The following TJP2 variants were observed in gnomAD, a reference collection of about 807,000 sequenced individuals.
The protein encoded by TJP2 is tight junction protein 2.
Under a neutral mutation model 133.1 loss-of-function variants are expected in TJP2, and 91 were observed. The observed-to-expected ratio is 0.68, with a 90% CI of 0.58 to 0.81. The LOEUF is 0.81. Among genes scored for constraint, TJP2 ranks in the 40% least tolerant of loss-of-function variants. The pLI, the probability that TJP2 is intolerant of heterozygous loss-of-function variation, is 0.00. For missense variants in TJP2, 1,541 were observed against 1,565.6 expected, an observed-to-expected ratio of 0.98 and a Z score of 0.26; for synonymous variants, 592 against 583.4, an observed-to-expected ratio of 1.01 and a Z score of -0.21.
chr9:69,139,138 A>G (rs1438609615), intron 1 of TJP2, among the ~76,000 whole-genome samples: 4 of 151,086 alleles, frequency 2.6e-5, no homozygotes, highest in Admixed American at 2.6e-4. Context: ...AATCGCTTGA[A>G]CCCTGGAGGC....
chr9:69,245,696 AAGATG>A (rs1181551323), intron 17 of TJP2, among the ~76,000 whole-genome samples: 3 of 152,188 alleles, frequency 2.0e-5, no homozygotes, highest in African/African-American at 7.2e-5. Flanking sequence ...TCTCATCTAT[AAGATG>A]GGCATCATAG....
At chr9:69,207,904 A>G (rs1588057342) in intron 1 of TJP2, among the ~76,000 whole-genome samples, 2 of 152,204 alleles carry the variant, frequency 1.3e-5, no homozygotes, top group African/African-American at 4.8e-5. Context: ...TTTCTGAAAA[A>G]TTATATAAAT....
At chr9:69,234,070 T>C (rs75436753) in intron 11 of TJP2, among the ~76,000 whole-genome samples, 2,185 of 152,288 alleles carry the variant, frequency 0.014, 39 homozygotes, top group African/African-American at 0.05. Flanking sequence ...TTCATACTTG[T>C]GTATTACCTT....
At chr9:69,226,254 A>G in intron 7 of TJP2, 79 bp downstream of exon 7, 3 of 1,513,156 alleles carry the variant, frequency 2.0e-6, no homozygotes, top group Non-Finnish European at 1.8e-6. Flanking sequence ...TAGTGTAGCT[A>G]TCCAGCTGGA....
chr9:69,199,811 C>T (rs988320213), intron 1 of TJP2, among the ~76,000 whole-genome samples: 4 of 152,062 alleles, frequency 2.6e-5, no homozygotes, highest in East Asian at 3.9e-4. Context: ...TTCATGGAGA[C>T]GAGGGTCTGG....
intron 1 of TJP2, among the ~76,000 whole-genome samples, chr9:69,145,391 A>G (rs898842023): frequency 9.9e-5 from 15 of 152,210 alleles, no homozygotes; most frequent in Admixed American, 2.6e-4. Flanking sequence ...GGCCTCAAAG[A>G]TTTATGTGCG....
intron 20 of TJP2, among the ~76,000 whole-genome samples, chr9:69,250,495 G>A (rs1831253776): frequency 6.6e-6 from 1 of 152,188 alleles, no homozygotes; most frequent in Admixed American, 6.5e-5. Context: ...AATAATAAGT[G>A]ACCTCATAAA....
At chr9:69,129,386 C>T (rs1822389018) in intron 1 of TJP2, among the ~76,000 whole-genome samples, 1 of 151,638 alleles carries the variant, frequency 6.6e-6, no homozygotes, top group African/African-American at 2.4e-5. Flanking sequence ...GTGGCGTGTG[C>T]TGTCCTTCCA....
chr9:69,126,898 A>G (rs1304514941), intron 1 of TJP2, among the ~76,000 whole-genome samples: 2 of 76,566 alleles, frequency 2.6e-5, no homozygotes, highest in African/African-American at 8.0e-5. Flanking sequence ...GTCTTTTAGG[A>G]TATTTGTGGA....
intron 2 of TJP2, among the ~76,000 whole-genome samples, chr9:69,166,985 C>G (rs1824392021): frequency 6.6e-6 from 1 of 151,828 alleles, no homozygotes; most frequent in Non-Finnish European, 1.5e-5. Context: ...ATAATCCTAG[C>G]ACTTTCGGAG....
chr9:69,177,588 A>G (rs1167036427), intron 1 of TJP2, among the ~76,000 whole-genome samples: 1 of 152,158 alleles, frequency 6.6e-6, no homozygotes, highest in Non-Finnish European at 1.5e-5. Flanking sequence ...AAAAAAATTC[A>G]GGCATGGAAA....
intron 1 of TJP2, among the ~76,000 whole-genome samples, chr9:69,210,742 C>CT (rs200516626): frequency 8.7e-4 from 103 of 117,852 alleles, no homozygotes; most frequent in Admixed American, 2.9e-3. Context: ...ATTTTGAGTT[C>CT]TTTTTTTTTT....
chr9:69,205,839 G>A (rs939972339), intron 1 of TJP2, among the ~76,000 whole-genome samples: 4 of 152,114 alleles, frequency 2.6e-5, no homozygotes, highest in Non-Finnish European at 4.4e-5. Context: ...TCTAAAAGCC[G>A]CCTGTTCAGG....
exon 2 of TJP2, chr9:69,151,656 G>A (rs1018621361): frequency 5.7e-6 from 7 of 1,231,970 alleles, no homozygotes; most frequent in East Asian, 3.2e-5. Flanking sequence ...TCCAGGGTGC[G>A]AAGTACCACA....
Position 69,130,459 on chromosome 9 carries a change from G to A in TJP2, c.-131+8734G>A, listed in dbSNP as rs551994303. ...AGGCTTGTCAAAATACAGATTGCAG[G>A]CCCCCCTCCTGGAGTTTCTGATTGC... On this transcript the variant is annotated intron_variant, in intron 1 of 5. Transcript: ENST00000423935. Among the ~76,000 whole-genome samples, 6 of 152,216 alleles carry A rather than the reference G, an allele frequency of 3.9e-5. No individual in the cohort carries two copies. In the South Asian group the frequency reaches 1.2e-3, roughly 32 times the overall value.
At chr9:69,151,752 T>A in exon 2 of TJP2, 5 of 1,232,148 alleles carry the variant, frequency 4.1e-6, no homozygotes, top group Non-Finnish European at 5.1e-6. Context: ...GCTGTACCAG[T>A]ACACGGCCCA....
chr9:69,248,654 G>A (rs1831103869), intron 19 of TJP2: 3 of 1,058,990 alleles, frequency 2.8e-6, no homozygotes, highest in Non-Finnish European at 3.4e-6. Context: ...GCTCTTGAGT[G>A]TTTCCCCATC....
chr9:69,173,795 G>A (rs1348565556), upstream of TJP2, among the ~76,000 whole-genome samples: 2 of 152,158 alleles, frequency 1.3e-5, no homozygotes, highest in Non-Finnish European at 2.9e-5. Context: ...CCTACAGGAT[G>A]CCCCCGCGAC....
At chr9:69,229,362 A>G (rs1296632480) in intron 10 of TJP2, 112 bp downstream of exon 10, 2 of 1,019,588 alleles carry the variant, frequency 2.0e-6, no homozygotes, top group Non-Finnish European at 3.1e-6. Flanking sequence ...GTACACTGTC[A>G]GCCACCTGTA....
Sources: allele counts gnomAD v4.1 joint callset (sites outside exome capture counted in the v4.1 genomes callset), GRCh38; gene constraint gnomAD v4.1.1; transcripts MANE v1.5; gene names NCBI Gene and HGNC (gene_info 2026-07-23, HGNC 2026-07-21).